Variants in NKAIN3 observed in about 807,000 individuals in gnomAD.
NKAIN3 encodes sodium/potassium-transporting ATPase subunit beta-1-interacting protein 3.
NKAIN3 carries 25 observed loss-of-function variants against 30.2 expected under a neutral mutation model. The observed-to-expected ratio is 0.83, with a 90% CI of 0.60 to 1.16. NKAIN3 has a LOEUF of 1.16. Among genes scored for constraint, NKAIN3 ranks in the 50% most tolerant of loss-of-function variants. NKAIN3 has a pLI of 0.00. For synonymous variants in NKAIN3, 91 were observed against 89.6 expected, an observed-to-expected ratio of 1.02 and a Z score of -0.09; for missense variants, 225 against 254.1, an observed-to-expected ratio of 0.89 and a Z score of 0.78.
intron 1 of NKAIN3, among the ~76,000 whole-genome samples, chr8:62,341,234 T>C (rs556708070): frequency 1.3e-5 from 2 of 152,112 alleles, no homozygotes; most frequent in South Asian, 4.1e-4. Context: ...TCAGGTACTG[T>C]GATAGACCCT....
intron 3 of NKAIN3, among the ~76,000 whole-genome samples, chr8:62,650,726 A>T (rs915337985): frequency 1.3e-5 from 2 of 152,170 alleles, no homozygotes; most frequent in African/African-American, 4.8e-5. Context: ...TTGAGCTCTC[A>T]GGTAGACCAC....
At chr8:62,771,644 TAA>T in intron 4 of NKAIN3, among the ~76,000 whole-genome samples, 1 of 150,882 alleles carries the variant, frequency 6.6e-6, no homozygotes, top group South Asian at 2.1e-4. Flanking sequence ...ATCACATGTA[TAA>T]AAAAAAAGAT....
chr8:62,955,314 C>A (rs1473466702), intron 6 of NKAIN3, among the ~76,000 whole-genome samples: 1 of 152,098 alleles, frequency 6.6e-6, no homozygotes, highest in East Asian at 1.9e-4. Context: ...AAGCAGTCAC[C>A]ACCTCATTAC....
intron 4 of NKAIN3, among the ~76,000 whole-genome samples, chr8:62,840,493 C>T (rs954897422): frequency 6.6e-6 from 1 of 150,872 alleles, no homozygotes; most frequent in Non-Finnish European, 1.5e-5. Flanking sequence ...TTTTACACTG[C>T]TCTCTACATT....
At chr8:62,336,301 C>A (rs866638104) in intron 1 of NKAIN3, among the ~76,000 whole-genome samples, 1 of 152,016 alleles carries the variant, frequency 6.6e-6, no homozygotes, top group South Asian at 2.1e-4. Context: ...AACCAGTTGG[C>A]GCTTTCTCCA....
chr8:62,565,417 T>G (rs1809719348), intron 1 of NKAIN3, among the ~76,000 whole-genome samples: 2 of 152,036 alleles, frequency 1.3e-5, no homozygotes, highest in Admixed American at 1.3e-4. Flanking sequence ...TTAAATGCCT[T>G]ATACATATTA....
chr8:62,796,229 C>T (rs1445249470), intron 4 of NKAIN3, among the ~76,000 whole-genome samples: 1 of 151,532 alleles, frequency 6.6e-6, no homozygotes, highest in African/African-American at 2.4e-5. Flanking sequence ...ACTAAAAATA[C>T]AAACAATAGC....
At chr8:62,693,712 G>A (rs531962012) in intron 3 of NKAIN3, among the ~76,000 whole-genome samples, 1 of 152,248 alleles carries the variant, frequency 6.6e-6, no homozygotes, top group Admixed American at 6.5e-5. Flanking sequence ...CTTTGCCCCT[G>A]GTCTCCATCC....
At chr8:62,552,721 G>T (rs1296765989) in intron 1 of NKAIN3, among the ~76,000 whole-genome samples, 1 of 152,156 alleles carries the variant, frequency 6.6e-6, no homozygotes, top group Non-Finnish European at 1.5e-5. Context: ...AGAAGTTCTG[G>T]CCCTGAGAAA....
chr8:62,285,567 G>T (rs75501133), intron 1 of NKAIN3, among the ~76,000 whole-genome samples: 2,531 of 152,130 alleles, frequency 0.017, 63 homozygotes, highest in African/African-American at 0.055. Flanking sequence ...GCTCCCAGTG[G>T]GGCTCTGAGT....
chr8:62,395,880 A>G (rs1817738592), intron 1 of NKAIN3, among the ~76,000 whole-genome samples: 1 of 152,200 alleles, frequency 6.6e-6, no homozygotes, highest in Non-Finnish European at 1.5e-5. Context: ...CTATTTTTAA[A>G]TGTTAATTAT....
At chr8:62,910,771 G>A (rs1353662671) in intron 4 of NKAIN3, among the ~76,000 whole-genome samples, 3 of 150,038 alleles carry the variant, frequency 2.0e-5, no homozygotes, top group African/African-American at 7.3e-5. Context: ...TTTTTTTCAA[G>A]GGAAATTGGT....
rs375889917 is a variant in NKAIN3, at chr8:62,357,556, A to AT, written c.54+108429_54+108430insT. ...TAAAGGCATCTCTTTGTTTCCCCAA[A>AT]AATGTGATATTCCTAAATGAAATTT... On this transcript the variant is annotated intron_variant, in intron 1 of 6. Coordinates refer to ENST00000623646, the MANE Select transcript of NKAIN3 (RefSeq NM_001304533.3). 1.8e-3 allele frequency among the ~76,000 whole-genome samples: 270 copies of AT among 152,316 alleles called. 3 individuals are homozygous for AT. Among genetic ancestry groups the AT allele is most frequent in the Middle Eastern group, 0.01 (3 of 294 alleles).
intron 4 of NKAIN3, among the ~76,000 whole-genome samples, chr8:62,851,667 G>A (rs1819902084): frequency 6.6e-6 from 1 of 152,148 alleles, no homozygotes; most frequent in African/African-American, 2.4e-5. Context: ...TTAGCATGAA[G>A]CATTGTTGAA....
At chr8:62,863,383 A>T in intron 4 of NKAIN3, 1 of 1,545,832 alleles carries the variant, frequency 6.5e-7, no homozygotes, top group Non-Finnish European at 8.8e-7. Flanking sequence ...TGCATCATCC[A>T]TACACATCAA....
Position 62,747,202 on chromosome 8 carries a change from G to T in NKAIN3, c.471+73G>T, listed in dbSNP as rs762768184. 429 of 896,882 alleles carry T rather than the reference G, an allele frequency of 4.8e-4. 1 individual carries two copies. The highest frequency in any genetic ancestry group is 1.6e-3 in the Middle Eastern group (6 of 3,794). 55.6% of individuals were successfully genotyped at this position (896,882 alleles called of 1,614,324 possible). A position where few individuals can be genotyped will look rare whatever the true frequency, so the allele number is the denominator to read the frequency against. On this transcript the variant is annotated intron_variant, in intron 4 of 6. Transcript: ENST00000623646. ...GGCATTTTTTTCTCCACATCTACCT[G>T]ATAGAAAATGCCACAGATAAGCACA...
intron 1 of NKAIN3, among the ~76,000 whole-genome samples, chr8:62,533,611 T>C (rs1016726864): frequency 5.3e-5 from 8 of 152,218 alleles, no homozygotes; most frequent in Non-Finnish European, 1.2e-4. Context: ...AGATTTCCCC[T>C]TTTTTCTGCT....
intron 3 of NKAIN3, among the ~76,000 whole-genome samples, chr8:62,720,037 G>A (rs753546935): frequency 4.1e-4 from 62 of 151,990 alleles, no homozygotes; most frequent in Non-Finnish European, 7.9e-4. Flanking sequence ...AATTACAGGC[G>A]TGAGCCACTG....
chr8:62,755,680 C>T (rs1816428691), intron 4 of NKAIN3, among the ~76,000 whole-genome samples: 1 of 152,094 alleles, frequency 6.6e-6, no homozygotes. Flanking sequence ...ATGGCTTCTG[C>T]TCATACCAAA....
Sources: allele counts gnomAD v4.1 joint callset (sites outside exome capture counted in the v4.1 genomes callset), GRCh38; gene constraint gnomAD v4.1.1; transcripts MANE v1.5; gene names NCBI Gene and HGNC (gene_info 2026-07-23, HGNC 2026-07-21).